The following MGST2 variants were observed in gnomAD, a reference collection of about 807,000 sequenced individuals.
The protein encoded by MGST2 is microsomal glutathione S-transferase 2, also known as glutathione peroxidase MGST2.
Under a neutral mutation model 16.6 loss-of-function variants are expected in MGST2, and 9 were observed. The observed-to-expected ratio is 0.54, with a 90% CI of 0.33 to 0.95. MGST2 has a LOEUF of 0.95. Ranked by LOEUF, MGST2 falls within the 40% of genes least tolerant of loss-of-function variation. The pLI is 0.03. For missense variants in MGST2, 159 were observed against 175.1 expected (o/e 0.91, Z 0.52); for synonymous variants, 79 against 68.0 (o/e 1.16, Z -0.79).
intron 5 of MGST2, chr4:139,730,597 C>T (rs1728664793): frequency 1.2e-6 from 2 of 1,610,734 alleles, no homozygotes; most frequent in Admixed American, 1.7e-5. Context: ...TGAGACCATG[C>T]CACCTGAGCC....
At chr4:139,737,831 AC>A (rs1729004809) in intron 5 of MGST2, among the ~76,000 whole-genome samples, 1 of 152,140 alleles carries the variant, frequency 6.6e-6, no homozygotes, top group Admixed American at 6.5e-5. Context: ...AAAAGGGCCC[AC>A]CCCATCTAAT....
intron 5 of MGST2, among the ~76,000 whole-genome samples, chr4:139,716,321 C>T (rs1434901557): frequency 6.6e-6 from 1 of 152,160 alleles, no homozygotes; most frequent in Admixed American, 6.6e-5. Context: ...AGGCTGTTTA[C>T]TGACAGTGCT....
chr4:139,672,454 G>A (rs1730747622), intron 1 of MGST2, among the ~76,000 whole-genome samples: 1 of 152,128 alleles, frequency 6.6e-6, no homozygotes, highest in Non-Finnish European at 1.5e-5. Flanking sequence ...GATTGATGCT[G>A]CCCTGGAGGG....
At chr4:139,716,591 C>CAA (rs1403486493) in intron 5 of MGST2, among the ~76,000 whole-genome samples, 1 of 151,990 alleles carries the variant, frequency 6.6e-6, no homozygotes, top group African/African-American at 2.4e-5. Context: ...CAGTTGAATG[C>CAA]AAAGGCTGGG....
intron 5 of MGST2, among the ~76,000 whole-genome samples, chr4:139,736,415 C>T (rs917940267): frequency 6.6e-6 from 1 of 152,166 alleles, no homozygotes; most frequent in Non-Finnish European, 1.5e-5. Flanking sequence ...GAATCGAACA[C>T]CCACGATGGC....
chr4:139,689,822 T>A (rs969617294), intron 2 of MGST2, among the ~76,000 whole-genome samples: 2 of 152,208 alleles, frequency 1.3e-5, no homozygotes, highest in Non-Finnish European at 2.9e-5. Flanking sequence ...AAGTTGCATA[T>A]TGTGTTCGTT....
At chr4:139,730,704 C>T (rs1315757988) in intron 5 of MGST2, 2 of 1,572,348 alleles carry the variant, frequency 1.3e-6, no homozygotes, top group East Asian at 2.3e-5. Flanking sequence ...CAGGGATTCC[C>T]CATAGAGACT....
chr4:139,708,882 A>T (rs1358046287), downstream of MGST2, among the ~76,000 whole-genome samples: 2 of 151,580 alleles, frequency 1.3e-5, no homozygotes, highest in African/African-American at 2.4e-5. Flanking sequence ...CACACCTGTA[A>T]TCTCAGCTAC....
chr4:139,720,952 T>C (rs1728208686), intron 5 of MGST2, among the ~76,000 whole-genome samples: 1 of 152,212 alleles, frequency 6.6e-6, no homozygotes, highest in African/African-American at 2.4e-5. Flanking sequence ...TAAGCAGCTA[T>C]TTTGACAGAT....
At chr4:139,703,630 T>G in intron 4 of MGST2, 94 bp downstream of exon 4, 1 of 1,177,372 alleles carries the variant, frequency 8.5e-7, no homozygotes, top group Non-Finnish European at 1.3e-6. Flanking sequence ...AACAGCACTG[T>G]GAGTTGTGGT....
intron 5 of MGST2, among the ~76,000 whole-genome samples, chr4:139,729,296 A>C (rs1470418387): frequency 6.6e-6 from 1 of 152,012 alleles, no homozygotes; most frequent in Non-Finnish European, 1.5e-5. Flanking sequence ...TGTCCTACAC[A>C]GGATACACGG....
chr4:139,731,616 C>CAA (rs146139547), intron 5 of MGST2, among the ~76,000 whole-genome samples: 1 of 150,402 alleles, frequency 6.6e-6, no homozygotes, highest in Non-Finnish European at 1.5e-5. Context: ...GACTCTTTCT[C>CAA]AAAAAAAAAG....
At chr4:139,747,295 C>T in the MGST2 span, among the ~76,000 whole-genome samples, 6 of 152,152 alleles carry the variant, frequency 3.9e-5, no homozygotes, top group African/African-American at 9.7e-5. Context: ...GAGTGCAGAG[C>T]GCGGGCAACT....
the MGST2 span, among the ~76,000 whole-genome samples, chr4:139,754,503 T>C: frequency 6.6e-6 from 1 of 152,240 alleles, no homozygotes; most frequent in Non-Finnish European, 1.5e-5. Flanking sequence ...TGCCTATTGT[T>C]GGACATTTAA....
intron 1 of MGST2, among the ~76,000 whole-genome samples, chr4:139,668,693 G>C (rs771792649): frequency 6.6e-6 from 1 of 151,958 alleles, no homozygotes; most frequent in Non-Finnish European, 1.5e-5. Flanking sequence ...AAAACCTGTG[G>C]AGGTGGGGGA....
At chr4:139,722,879 G>A (rs539037035) in intron 5 of MGST2, among the ~76,000 whole-genome samples, 2 of 152,316 alleles carry the variant, frequency 1.3e-5, no homozygotes, top group East Asian at 3.9e-4. Flanking sequence ...GTAAACACAT[G>A]AAAATACTGA....
chr4:139,738,125 C>T (rs1729017071), intron 5 of MGST2, among the ~76,000 whole-genome samples: 3 of 152,252 alleles, frequency 2.0e-5, no homozygotes, highest in Admixed American at 2.0e-4. Flanking sequence ...TGGCACATAA[C>T]AAACAGCTTG....
intron 3 of MGST2, among the ~76,000 whole-genome samples, chr4:139,702,851 T>G (rs985213625): frequency 2.2e-5 from 3 of 135,886 alleles, no homozygotes; most frequent in East Asian, 2.0e-4. Context: ...CTGGTTTTTT[T>G]TTTTTTTTTT....
At chr4:139,720,466 A>G (rs1391559521) in intron 5 of MGST2, 1 of 796,032 alleles carries the variant, frequency 1.3e-6, no homozygotes, top group African/African-American at 1.7e-5. Context: ...AACAAAAATG[A>G]TTATTTTTCT....
Sources: allele counts gnomAD v4.1 joint callset (sites outside exome capture counted in the v4.1 genomes callset), GRCh38; gene constraint gnomAD v4.1.1; transcripts MANE v1.5; gene names NCBI Gene and HGNC (gene_info 2026-07-23, HGNC 2026-07-21).